The following DNAH17 variants were observed in gnomAD, a reference collection of about 807,000 sequenced individuals.
The protein encoded by DNAH17 is dynein axonemal heavy chain 17, also known as axonemal beta dynein heavy chain 17.
Under a neutral mutation model 485.6 loss-of-function variants are expected in DNAH17, and 376 were observed. The ratio of observed to expected loss-of-function variants is 0.77; its 90% CI spans 0.71 to 0.84. The LOEUF (loss-of-function observed/expected upper bound fraction) is 0.84. DNAH17 is among the 40% of genes least tolerant of loss of function. DNAH17 has a pLI of 0.00. For missense variants in DNAH17, 6,370 were observed against 5,839.3 expected (o/e 1.09, Z -2.96); for synonymous variants, 3,031 against 2,405.9 (o/e 1.26, Z -7.60).
At chr17:78,440,583 G>C (rs887965926) in intron 72 of DNAH17, among the ~76,000 whole-genome samples, 2 of 152,080 alleles carry the variant, frequency 1.3e-5, no homozygotes, top group African/African-American at 4.8e-5. Context: ...TTAATCGAGG[G>C]ATACTATTCC....
intron 34 of DNAH17, 96 bp downstream of exon 34, chr17:78,501,646 A>C: frequency 3.3e-6 from 5 of 1,494,572 alleles, no homozygotes; most frequent in South Asian, 1.3e-5. Context: ...TGCCCCAGGA[A>C]GAGGAAGTGG....
chr17:78,565,764 A>G (rs999325014), intron 11 of DNAH17, among the ~76,000 whole-genome samples: 1 of 152,188 alleles, frequency 6.6e-6, no homozygotes, highest in Non-Finnish European at 1.5e-5. Flanking sequence ...GACCAGCCCA[A>G]CATGGCAAAA....
In DNAH17 at chr17:78,451,467, A is replaced by C; in HGVS notation, c.10734+2T>G. On this transcript the variant is annotated splice_donor_variant, in intron 66 of 80. Transcript: ENST00000389840. LOFTEE classifies it high-confidence loss of function. ...CCGTGTGACCAAACTTCAGGCCATT[A>C]CCTTCAGCTGTTCCAGATCTGGGCG... 1 of 1,606,826 alleles carries C rather than the reference A, an allele frequency of 6.2e-7. No individual in the cohort carries two copies. The highest frequency in any genetic ancestry group is 8.5e-7 in the Non-Finnish European group (1 of 1,176,562).
At chr17:78,478,071 C>A (rs1274989598) in intron 51 of DNAH17, among the ~76,000 whole-genome samples, 1 of 150,620 alleles carries the variant, frequency 6.6e-6, no homozygotes, top group Non-Finnish European at 1.5e-5. Context: ...CCACCATCAC[C>A]ACCACCATCA....
Position 78,507,650 on chromosome 17 carries a change from G to A in DNAH17, c.4392C>T (p.Tyr1464=), listed in dbSNP as rs777049372. 12 of 1,613,948 alleles carry A rather than the reference G, an allele frequency of 7.4e-6. No individual in the cohort carries two copies. The highest frequency in any genetic ancestry group is 2.2e-5 in the East Asian group (1 of 44,882). ...VQLQNLMMSK[Y]LAHFLKEVTS... is the part of the protein sequence containing the mutation. ...TCACCTCCTTCAGGAAGTGGGCCAG[G>A]TACTTGGACATCATCAGGTTCTGCA... Residue 1464 remains tyrosine (Y), a synonymous_variant, in exon 28 of 81, where the codon TAC becomes TAT. Coordinates refer to ENST00000389840, the MANE Select transcript of DNAH17 (RefSeq NM_173628.4).
chr17:78,529,485 T>A lies in DNAH17; in HGVS notation c.3494A>T (p.His1165Leu). ...CCCACCACGTACCTGCAGCTTCAAG[T>A]GGATCTCCTCTGGCATCTCCTCCCC... ...TYGEEMPEEIHLKLQELPEHW... is the reference protein window; with the variant it reads ...TYGEEMPEEILLKLQELPEHW... Residue 1165 changes from histidine to leucine, a missense_variant, in exon 22 of 81, where the codon CAC becomes CTC. Physicochemically the swap from His to Leu is moderately conservative, Grantham distance 99. Transcript: ENST00000389840. 6.2e-7 allele frequency: 1 copy of A among 1,613,942 alleles called. No homozygotes were observed. The highest frequency in any genetic ancestry group is 8.5e-7 in the Non-Finnish European group (1 of 1,179,874).
At chr17:78,520,836 C>A (rs1049640412) in intron 25 of DNAH17, among the ~76,000 whole-genome samples, 18 of 152,130 alleles carry the variant, frequency 1.2e-4, no homozygotes, top group Non-Finnish European at 2.1e-4. Flanking sequence ...CCTATAAAAA[C>A]CCCAATAAGG....
At chr17:78,494,849 C>A (rs202153897) in intron 39 of DNAH17, 29 bp from the exon 40 acceptor site, 1 of 1,576,952 alleles carries the variant, frequency 6.3e-7, no homozygotes, top group Non-Finnish European at 8.6e-7. Flanking sequence ...GGTGGGCAGA[C>A]GTGAGCTCAC....
intron 19 of DNAH17, chr17:78,533,181 G>A (rs1421720364): frequency 2.1e-5 from 4 of 187,646 alleles, no homozygotes; most frequent in Non-Finnish European, 4.5e-5. Context: ...TCATTCATTC[G>A]ATAGCTCGCT....
rs142200792 is a variant in DNAH17 at position 78,517,422 on chromosome 17, G to A, written c.3865-2400C>T. Among the ~76,000 whole-genome samples, 215 of 152,304 alleles carry A rather than the reference G, an allele frequency of 1.4e-3. 1 individual carries two copies. The East Asian group carries it at 0.029, about 21-fold the overall frequency. Reference sequence around the variant, plus strand: ...TTTGAAAACAGATGAGTGACGAGGAGACAGAAAGGCAGAAACCAACATATG... The same window carrying A: ...TTTGAAAACAGATGAGTGACGAGGAAACAGAAAGGCAGAAACCAACATATG... On this transcript the variant is annotated intron_variant, in intron 25 of 80. Coordinates refer to ENST00000389840, the MANE Select transcript of DNAH17 (RefSeq NM_173628.4).
At chr17:78,484,739 A>ACCCCCCCGCCCCCCCCCCCCC in intron 48 of DNAH17, 129 bp downstream of exon 48, 3 of 347,798 alleles carry the variant, frequency 8.6e-6, no homozygotes, top group Non-Finnish European at 1.4e-5. Context: ...ACGTTGCAGC[A>ACCCCCCCGCCCCCCCCCCCCC]CCCCCCCCAC....
Position 78,492,770 on chromosome 17 carries a change from C to T in DNAH17, c.6409-5G>A, listed in dbSNP as rs563766975. 24 of 1,606,386 alleles carry T rather than the reference C, an allele frequency of 1.5e-5. No homozygotes were observed. The highest frequency in any genetic ancestry group is 3.3e-5 in the South Asian group (3 of 90,180). On this transcript the variant is annotated splice_polypyrimidine_tract_variant and splice_region_variant and intron_variant, in intron 41 of 80. Transcript: ENST00000389840. ...CTTGTTGAGGGATTTGAGGACCTGG[C>T]GAAGGTGGGGGTCACTCACGTGTGA...
At chr17:78,491,122 G>C (rs1423674146) in intron 43 of DNAH17, among the ~76,000 whole-genome samples, 2 of 152,226 alleles carry the variant, frequency 1.3e-5, no homozygotes, top group African/African-American at 4.8e-5. Context: ...GGAAAGTATT[G>C]TGTTCCTTCC....
intron 49 of DNAH17, 99 bp downstream of exon 49, chr17:78,480,585 G>T: frequency 1.0e-6 from 1 of 964,570 alleles, no homozygotes; most frequent in Non-Finnish European, 1.5e-6. Flanking sequence ...ATGTCGGCCT[G>T]CAGCCCTAAC....
chr17:78,560,004 ATCT>A (rs1033822255), intron 13 of DNAH17, among the ~76,000 whole-genome samples: 15 of 151,816 alleles, frequency 9.9e-5, no homozygotes, highest in African/African-American at 3.6e-4. Context: ...GGCTCTATTG[ATCT>A]TCTTAACCTG....
chr17:78,490,297 TCC>T (rs2089791817), intron 44 of DNAH17, among the ~76,000 whole-genome samples: 2 of 152,148 alleles, frequency 1.3e-5, no homozygotes, highest in African/African-American at 4.8e-5. Context: ...AATGCCCCAC[TCC>T]CCACCATGCC....
At chr17:78,576,030 C>G (rs983141089) in intron 1 of DNAH17, among the ~76,000 whole-genome samples, 1 of 152,126 alleles carries the variant, frequency 6.6e-6, no homozygotes, top group African/African-American at 2.4e-5. Context: ...GTATGCAGCT[C>G]CTGAATTTCA....
chr17:78,474,762 C>T (rs2088928056), intron 54 of DNAH17, among the ~76,000 whole-genome samples: 1 of 151,616 alleles, frequency 6.6e-6, no homozygotes, highest in Non-Finnish European at 1.5e-5. Flanking sequence ...CCCTTTACCT[C>T]AGTCACGCGG....
rs548687901 is a variant in DNAH17, at chr17:78,543,174, G to A, written c.2532+683C>T. ...CTTTCACCCAGGCTGGGGTGCAGTGGTGCGATCTTGGTTCACTGCCACCTC... is the reference window on the plus strand; with the variant it reads ...CTTTCACCCAGGCTGGGGTGCAGTGATGCGATCTTGGTTCACTGCCACCTC... On this transcript the variant is annotated intron_variant, in intron 17 of 80. Transcript: ENST00000389840. Among the ~76,000 whole-genome samples the A allele has an allele frequency of 2.0e-5, 3 of 152,348 alleles. No homozygotes were observed. The South Asian group carries it at 6.2e-4, about 32-fold the overall frequency.
Sources: gnomAD v4.1 joint callset for allele counts (sites outside exome capture counted in the v4.1 genomes callset) on GRCh38, gnomAD v4.1.1 for gene constraint, MANE v1.5 for transcripts, NCBI Gene and HGNC (gene_info 2026-07-23, HGNC 2026-07-21) for gene names.